Variants in HIBADH observed in about 807,000 individuals in gnomAD.
The protein encoded by HIBADH is 3-hydroxyisobutyrate dehydrogenase, also known as 3-hydroxyisobutyrate dehydrogenase, mitochondrial.
HIBADH carries 25 observed loss-of-function variants against 36.1 expected under a neutral mutation model. The observed-to-expected ratio is 0.69, with a 90% CI of 0.50 to 0.97. HIBADH has a LOEUF of 0.97. Among genes scored for constraint, HIBADH ranks in the 50% least tolerant of loss-of-function variants. HIBADH has a pLI of 0.00. For missense variants in HIBADH, 421 were observed against 418.0 expected (o/e 1.01, Z -0.06); for synonymous variants, 160 against 149.5 (o/e 1.07, Z -0.51).
At chr7:27,576,682 T>A (rs372589582) in intron 4 of HIBADH, among the ~76,000 whole-genome samples, 1 of 152,212 alleles carries the variant, frequency 6.6e-6, no homozygotes, top group African/African-American at 2.4e-5. Flanking sequence ...TATTCCTTTT[T>A]CCTATACTTA....
At chr7:27,571,982 G>A (rs1784634729) in intron 4 of HIBADH, among the ~76,000 whole-genome samples, 1 of 152,128 alleles carries the variant, frequency 6.6e-6, no homozygotes, top group Non-Finnish European at 1.5e-5. Context: ...TTAACTAGCA[G>A]GCTTACGATC....
chr7:27,607,823 C>T (rs151315096), intron 4 of HIBADH, among the ~76,000 whole-genome samples: 96 of 152,108 alleles, frequency 6.3e-4, no homozygotes, highest in Non-Finnish European at 1.0e-3. Context: ...CTTTTCTTCC[C>T]GTTTCTTAAT....
At chr7:27,574,275 A>G (rs1784671955) in intron 4 of HIBADH, among the ~76,000 whole-genome samples, 1 of 145,522 alleles carries the variant, frequency 6.9e-6, no homozygotes, top group Non-Finnish European at 1.5e-5. Flanking sequence ...CAGCTTAGAA[A>G]AGGGGAGGAA....
chr7:27,560,316 G>A (rs1405710738), intron 4 of HIBADH, among the ~76,000 whole-genome samples: 4 of 152,092 alleles, frequency 2.6e-5, no homozygotes, highest in South Asian at 2.1e-4. Context: ...ACGGGGTTTC[G>A]CCATGTTGGC....
chr7:27,565,623 T>G (rs985334547), intron 4 of HIBADH, among the ~76,000 whole-genome samples: 1 of 152,210 alleles, frequency 6.6e-6, no homozygotes, highest in African/African-American at 2.4e-5. Flanking sequence ...TGAATATGAA[T>G]AGTTTTATTT....
chr7:27,650,458 A>ATTTT (rs947948000), intron 1 of HIBADH, among the ~76,000 whole-genome samples: 16 of 137,088 alleles, frequency 1.2e-4, no homozygotes, highest in East Asian at 8.7e-4. Flanking sequence ...TCCTTATTAT[A>ATTTT]TTTTTATTTA....
intron 2 of HIBADH, among the ~76,000 whole-genome samples, chr7:27,635,048 A>G (rs1785813595): frequency 6.6e-6 from 1 of 151,148 alleles, no homozygotes; most frequent in Non-Finnish European, 1.5e-5. Flanking sequence ...TCTATACCTA[A>G]TAACACACAC....
rs35467427 is a variant in HIBADH at position 27,577,164 on chromosome 7, C to CTTTTTT, written c.485-34065_485-34064insAAAAAA. Among the ~76,000 whole-genome samples, 3 of 143,888 alleles carry CTTTTTT rather than the reference C, an allele frequency of 2.1e-5. 1 individual carries two copies. Among genetic ancestry groups the CTTTTTT allele is most frequent in the Non-Finnish European group, 3.0e-5 (2 of 66,046 alleles). The allele number at this position is 143,888 out of a possible 152,430, so 94.4% of individuals were successfully genotyped here. On this transcript the variant is annotated intron_variant, in intron 4 of 7. Coordinates refer to ENST00000265395, the MANE Select transcript of HIBADH (RefSeq NM_152740.4). ...TGTGAACTTTCCAAGCATCATTTCT[C>CTTTTTT]TCTTTTTTTTTTTTTTGAGATGGAG...
intron 4 of HIBADH, among the ~76,000 whole-genome samples, chr7:27,544,276 A>G (rs1784200824): frequency 6.6e-6 from 1 of 152,218 alleles, no homozygotes; most frequent in South Asian, 2.1e-4. Flanking sequence ...GTCAAATCAA[A>G]TAGCTTTCTA....
chr7:27,639,355 C>T (rs886550767), intron 2 of HIBADH, among the ~76,000 whole-genome samples: 6 of 152,100 alleles, frequency 3.9e-5, no homozygotes, highest in Non-Finnish European at 5.9e-5. Flanking sequence ...CCAAATACCA[C>T]ACATTCTCAC....
intron 4 of HIBADH, among the ~76,000 whole-genome samples, chr7:27,588,006 C>A (rs955447154): frequency 6.6e-6 from 1 of 152,112 alleles, no homozygotes; most frequent in African/African-American, 2.4e-5. Context: ...GATACAAATA[C>A]CAACAGAAAT....
intron 5 of HIBADH, among the ~76,000 whole-genome samples, chr7:27,540,770 C>A (rs1338699103): frequency 6.6e-6 from 1 of 152,146 alleles, no homozygotes; most frequent in African/African-American, 2.4e-5. Context: ...CCCTTGGACA[C>A]CTTCAGTGTT....
chr7:27,547,374 CT>C (rs1222663768), intron 4 of HIBADH, among the ~76,000 whole-genome samples: 2 of 152,160 alleles, frequency 1.3e-5, no homozygotes, highest in Non-Finnish European at 2.9e-5. Context: ...TCACTCTCTC[CT>C]TTTCCTGCTT....
At chr7:27,527,329 T>C (rs1391599005) in intron 7 of HIBADH, among the ~76,000 whole-genome samples, 1 of 152,142 alleles carries the variant, frequency 6.6e-6, no homozygotes, top group Non-Finnish European at 1.5e-5. Context: ...TGCTTTGATA[T>C]GGAAAATAAA....
At chr7:27,640,511 C>G (rs949906511) in intron 2 of HIBADH, among the ~76,000 whole-genome samples, 1 of 152,164 alleles carries the variant, frequency 6.6e-6, no homozygotes, top group East Asian at 1.9e-4. Flanking sequence ...GCCTGGGTGA[C>G]AGAGAGAGAC....
At chr7:27,588,636 T>C (rs1583584021) in intron 4 of HIBADH, among the ~76,000 whole-genome samples, 1 of 152,166 alleles carries the variant, frequency 6.6e-6, no homozygotes, top group Non-Finnish European at 1.5e-5. Context: ...TGGCCCAGTA[T>C]AGAGTATTTT....
At chr7:27,557,070 G>A (rs565366045) in intron 4 of HIBADH, among the ~76,000 whole-genome samples, 1 of 151,606 alleles carries the variant, frequency 6.6e-6, no homozygotes, top group South Asian at 2.1e-4. Context: ...AGCCTAGGAG[G>A]TTGAGGCTAT....
At chr7:27,629,167 C>A (rs533241647) in intron 4 of HIBADH, among the ~76,000 whole-genome samples, 11 of 151,988 alleles carry the variant, frequency 7.2e-5, no homozygotes, top group Admixed American at 5.9e-4. Context: ...AGTTATGACA[C>A]TTTTTTATCT....
At chr7:27,620,633 C>G (rs1267103236) in intron 4 of HIBADH, among the ~76,000 whole-genome samples, 1 of 152,090 alleles carries the variant, frequency 6.6e-6, no homozygotes, top group Non-Finnish European at 1.5e-5. Flanking sequence ...ACTAGCCCAG[C>G]CCTACAAGAA....
Sources: allele counts gnomAD v4.1 joint callset (sites outside exome capture counted in the v4.1 genomes callset), GRCh38; gene constraint gnomAD v4.1.1; transcripts MANE v1.5; gene names NCBI Gene and HGNC (gene_info 2026-07-23, HGNC 2026-07-21).